Variants in HLCS observed in about 807,000 individuals in gnomAD.
HLCS encodes the protein holocarboxylase synthetase, also known as biotin--protein ligase.
A neutral mutation model predicts 75.0 loss-of-function variants in HLCS; 53 were observed. The observed-to-expected ratio is 0.71, with a 90% CI of 0.57 to 0.89. The LOEUF (loss-of-function observed/expected upper bound fraction) is 0.89. Among genes scored for constraint, HLCS ranks in the 40% least tolerant of loss-of-function variants. The pLI is 0.00. For missense variants in HLCS, 966 were observed against 1,074.0 expected (o/e 0.90, Z 1.41); for synonymous variants, 431 against 428.6 (o/e 1.01, Z -0.07).
chr21:36,753,940 C>A lies in HLCS; in HGVS notation c.*306G>T. ...GAAAATATCTGAATTTTCCCATTGT[C>A]ATTTCCATGTAAAAACTCCCCTTGA... On this transcript the variant is annotated 3_prime_UTR_variant, in exon 11 of 11. Transcript: ENST00000674895. The surrounding 1 kb of genome is among the most constrained non-coding windows in gnomAD (Gnocchi z 4.3). 2.2e-6 allele frequency: 1 copy of A among 454,094 alleles called. No homozygotes were observed. 28.1% of individuals were successfully genotyped at this position (454,094 alleles called of 1,614,324 possible). A position where few individuals can be genotyped will look rare whatever the true frequency, so the allele number is the denominator to read the frequency against.
chr21:36,875,973 G>A (rs1396155502), intron 6 of HLCS, among the ~76,000 whole-genome samples: 1 of 152,166 alleles, frequency 6.6e-6, no homozygotes, highest in Non-Finnish European at 1.5e-5. Context: ...TCTAGGTGCT[G>A]GTGCCTGCAG....
At chr21:36,902,037 G>C (rs992140391) in intron 5 of HLCS, among the ~76,000 whole-genome samples, 1 of 152,180 alleles carries the variant, frequency 6.6e-6, no homozygotes, top group Non-Finnish European at 1.5e-5. Context: ...GACGATGACA[G>C]TGCCGTGGGG....
intron 6 of HLCS, among the ~76,000 whole-genome samples, chr21:36,861,177 C>T (rs771094258): frequency 2.0e-5 from 3 of 152,072 alleles, no homozygotes; most frequent in African/African-American, 7.2e-5. Flanking sequence ...TTAGCACAGG[C>T]GGTGTCTCTA....
At chr21:36,968,488 G>C (rs796190328), upstream of HLCS, 4 of 151,050 alleles carry the variant, frequency 2.6e-5, no homozygotes, top group African/African-American at 9.6e-5. Flanking sequence ...CATCTCTGTG[G>C]ACCAGAAATA....
At chr21:36,767,418 T>C in intron 6 of HLCS, 133 bp from the exon 7 acceptor site, 1 of 806,424 alleles carries the variant, frequency 1.2e-6, no homozygotes, top group Non-Finnish European at 2.2e-6. Flanking sequence ...TTGGTTCCAC[T>C]GGCCTTCAGG....
intron 6 of HLCS, among the ~76,000 whole-genome samples, chr21:36,875,081 C>T (rs1341703654): frequency 2.0e-5 from 3 of 152,166 alleles, no homozygotes; most frequent in East Asian, 3.9e-4. Context: ...CACCAATGAA[C>T]GCAGGAGGGA....
intron 2 of HLCS, among the ~76,000 whole-genome samples, chr21:36,958,405 G>A (rs1229934645): frequency 6.6e-6 from 1 of 152,170 alleles, no homozygotes; most frequent in Non-Finnish European, 1.5e-5. Flanking sequence ...CAATGATCTA[G>A]ATCTCTTTAA....
In HLCS at chr21:36,897,026, C is replaced by T. The variant is rs1225842502; in HGVS notation, c.1726G>A (p.Glu576Lys). Residue 576 changes from glutamate to lysine, a missense_variant, in exon 6 of 11, where the codon GAA becomes AAA. Transcript: ENST00000674895. The part of the protein sequence containing the change: ...SLRFVSSYVS[E>K]VEITPSCIPV... Reference sequence around the variant, plus strand: ...ATACAAGATGGGGTTATTTCTACTTCAGACACGTAGGATGAAACAAATCTA... The same window carrying T: ...ATACAAGATGGGGTTATTTCTACTTTAGACACGTAGGATGAAACAAATCTA... 22 of 1,614,188 alleles carry T rather than the reference C, an allele frequency of 1.4e-5. No homozygotes were observed. The highest frequency in any genetic ancestry group is 1.9e-5 in the Non-Finnish European group (22 of 1,180,028).
At chr21:36,962,793 C>CAAAAAAAA (rs386394699) in intron 1 of HLCS, among the ~76,000 whole-genome samples, 1 of 80,222 alleles carries the variant, frequency 1.2e-5, no homozygotes. Flanking sequence ...GACCCTATCT[C>CAAAAAAAA]AAAAAAAAAA....
intron 5 of HLCS, among the ~76,000 whole-genome samples, chr21:36,924,030 T>C (rs989344748): frequency 3.3e-5 from 5 of 152,214 alleles, no homozygotes. Context: ...AGCAGCCACA[T>C]GTCAAAAGCT....
chr21:36,848,198 C>T (rs1205585398), intron 6 of HLCS, among the ~76,000 whole-genome samples: 1 of 151,718 alleles, frequency 6.6e-6, no homozygotes, highest in Non-Finnish European at 1.5e-5. Context: ...CAAGACATGC[C>T]AGAAAAATTG....
In HLCS at chr21:36,933,077, C is replaced by T. The variant is rs540453659; in HGVS notation, c.1438-2644G>A. On this transcript the variant is annotated intron_variant, in intron 4 of 10. Coordinates refer to ENST00000674895, the MANE Select transcript of HLCS (RefSeq NM_001352514.2). Reference sequence around the variant, plus strand: ...AGGTTGCAGTGAGCTGAGATGGTGCCAGTGCACTCCAGCCTGGGTGACAGA... The same window carrying T: ...AGGTTGCAGTGAGCTGAGATGGTGCTAGTGCACTCCAGCCTGGGTGACAGA... Among the ~76,000 whole-genome samples the T allele has an allele frequency of 5.4e-4, 82 of 152,136 alleles. No individual in the cohort carries two copies. The Middle Eastern group carries it at 0.01, about 19-fold the overall frequency.
intron 1 of HLCS, among the ~76,000 whole-genome samples, chr21:36,963,749 T>C (rs1292941735): frequency 6.6e-6 from 1 of 151,854 alleles, no homozygotes; most frequent in African/African-American, 2.4e-5. Flanking sequence ...CAAAACTCCA[T>C]CTCAAAAAAA....
At chr21:36,901,968 G>A (rs950645080) in intron 5 of HLCS, among the ~76,000 whole-genome samples, 1 of 152,184 alleles carries the variant, frequency 6.6e-6, no homozygotes, top group African/African-American at 2.4e-5. Flanking sequence ...TGTGTCTGTG[G>A]ACAGCAGTGG....
intron 6 of HLCS, among the ~76,000 whole-genome samples, chr21:36,770,506 T>C (rs1413177632): frequency 6.6e-6 from 1 of 152,114 alleles, no homozygotes; most frequent in Non-Finnish European, 1.5e-5. Flanking sequence ...GGAAGGAGAT[T>C]AGACAAAATG....
intron 1 of HLCS, chr21:36,972,341 G>C (rs993865321): frequency 6.6e-6 from 1 of 152,050 alleles, no homozygotes; most frequent in Non-Finnish European, 1.5e-5. Context: ...TAAAAGACAG[G>C]GTCTTGCCCT....
chr21:36,779,625 G>A (rs540574760), intron 6 of HLCS, among the ~76,000 whole-genome samples: 1 of 152,282 alleles, frequency 6.6e-6, no homozygotes, highest in African/African-American at 2.4e-5. Context: ...ACTAACTAGA[G>A]TTCAATATTT....
intron 6 of HLCS, among the ~76,000 whole-genome samples, chr21:36,884,413 C>T (rs756949189): frequency 6.6e-6 from 1 of 152,234 alleles, no homozygotes; most frequent in Non-Finnish European, 1.5e-5. Context: ...TTCAGCATCC[C>T]ATGCAGCCTT....
intron 6 of HLCS, among the ~76,000 whole-genome samples, chr21:36,769,036 T>G (rs1192939022): frequency 1.3e-5 from 2 of 152,030 alleles, no homozygotes; most frequent in African/African-American, 4.8e-5. Flanking sequence ...TAAATAAACA[T>G]GTAGACGGTA....
Sources: gnomAD v4.1 joint callset for allele counts (sites outside exome capture counted in the v4.1 genomes callset) on GRCh38, gnomAD v4.1.1 for gene constraint, Gnocchi (gnomAD v3.1) non-coding constraint, MANE v1.5 for transcripts, NCBI Gene and HGNC (gene_info 2026-07-23, HGNC 2026-07-21) for gene names.